The following TACC3 variants were observed in gnomAD, a reference collection of about 807,000 sequenced individuals.
TACC3 encodes transforming acidic coiled-coil-containing protein 3.
Under a neutral mutation model 86.0 loss-of-function variants are expected in TACC3, and 52 were observed. The ratio of observed to expected loss-of-function variants is 0.60; its 90% CI spans 0.48 to 0.76. The LOEUF (loss-of-function observed/expected upper bound fraction) is 0.76. Among genes scored for constraint, TACC3 ranks in the 30% least tolerant of loss-of-function variants. TACC3 has a pLI of 0.00. For missense variants in TACC3, 1,120 were observed against 1,070.4 expected (o/e 1.05, Z -0.65); for synonymous variants, 512 against 430.0 (o/e 1.19, Z -2.36).
chr4:1,728,653 G>A lies in TACC3; in HGVS notation c.1251G>A (p.Pro417=), dbSNP rs189023732. 46 of 1,613,860 alleles carry A rather than the reference G, an allele frequency of 2.9e-5. No homozygotes were observed. The highest frequency in any genetic ancestry group is 6.7e-5 in the East Asian group (3 of 44,870). ...AAATGGATGACCCAAACTTCATCCC[G>A]TTCGGAGGTGACACCAAGTCTGGTT... ...WDKMDDPNFI[P]FGGDTKSGCS... Residue 417 remains proline (P), a synonymous_variant, in exon 4 of 16, where the codon CCG becomes CCA. Coordinates refer to ENST00000313288, the MANE Select transcript of TACC3 (RefSeq NM_006342.3).
At chr4:1,720,636 G>A (rs746045592), upstream of TACC3, 58 of 1,539,306 alleles carry the variant, frequency 3.8e-5, no homozygotes, top group Non-Finnish European at 4.9e-5. This position sits in a 1 kb window ranked among gnomAD's most constrained non-coding sequence, Gnocchi z 4.4. Context: ...GCCTCACCGA[G>A]CGGCAGCAGC....
upstream of TACC3, chr4:1,720,765 CGTT>C: frequency 1.1e-5 from 17 of 1,590,768 alleles, no homozygotes; most frequent in South Asian, 2.3e-5. This position sits in a 1 kb window ranked among gnomAD's most constrained non-coding sequence, Gnocchi z 4.4. Context: ...GCGTGGAACT[CGTT>C]GGGCGTGAAC....
At chr4:1,731,986 A>G (rs55692711) in intron 6 of TACC3, among the ~76,000 whole-genome samples, 3,967 of 152,374 alleles carry the variant, frequency 0.026, 63 homozygotes, top group Non-Finnish European at 0.042. Context: ...ACCAGACTGC[A>G]GTTAAATACG....
intron 4 of TACC3, among the ~76,000 whole-genome samples, chr4:1,729,431 C>T (rs1015807005): frequency 2.6e-5 from 4 of 152,094 alleles, no homozygotes; most frequent in Non-Finnish European, 4.4e-5. Context: ...TGTCTGGCTG[C>T]GCTGTTACTT....
chr4:1,723,739 G>T lies in TACC3; in HGVS notation c.174G>T (p.Gln58His). 1.2e-6 allele frequency: 2 copies of T among 1,613,764 alleles called. 1 individual carries two copies. Among genetic ancestry groups the T allele is most frequent in the South Asian group, 2.2e-5 (2 of 91,090 alleles). ...TCACTCCGCAACAGGTGACTTTTCA[G>T]ACACCTCTGCGGGATCCACAGACGC... ...NLAKAMKVTF[Q>H]TPLRDPQTHR... The change falls in exon 3 of 16, where the codon CAG becomes CAT. Residue 58 changes from glutamine to histidine, a missense_variant. Gln to His is a conservative substitution (Grantham distance 24). Coordinates refer to ENST00000313288, the MANE Select transcript of TACC3 (RefSeq NM_006342.3).
chr4:1,740,020 C>A lies in TACC3; in HGVS notation c.2062+18C>A. 1 of 1,612,674 alleles carries A rather than the reference C, an allele frequency of 6.2e-7. No individual in the cohort carries two copies. The highest frequency in any genetic ancestry group is 8.5e-7 in the Non-Finnish European group (1 of 1,179,820). ...GGCCATGGGTGAGTGCCCGGGCCAC[C>A]GAGGCCACGTGCCTCCACGAGGGGC... On this transcript the variant is annotated intron_variant, in intron 12 of 15. Coordinates refer to ENST00000313288, the MANE Select transcript of TACC3 (RefSeq NM_006342.3).
chr4:1,743,016 C>G (rs1718668323), intron 13 of TACC3, among the ~76,000 whole-genome samples: 2 of 152,128 alleles, frequency 1.3e-5, no homozygotes, highest in South Asian at 4.1e-4. Flanking sequence ...GTAATCCCAG[C>G]ACTTTGGGAG....
At position 1,744,591 on chromosome 4, in the gene TACC3, C is replaced by T. The variant is rs781196053; in HGVS notation, c.2297C>T (p.Ala766Val). The T allele has an allele frequency of 6.2e-7, 1 of 1,613,132 alleles. No individual in the cohort carries two copies. The highest frequency in any genetic ancestry group is 1.1e-5 in the South Asian group (1 of 91,088). The change falls in exon 14 of 16, where the codon GCC becomes GTC. Residue 766 changes from alanine to valine, a missense_variant. Transcript: ENST00000313288. The part of the protein sequence containing the change: ...RITQEGQRYQ[A>V]LKAHAEEKLQ... Reference sequence around the variant, plus strand: ...ACCCAGGAGGGCCAGAGGTACCAAGCCCTGAAGGCCCACGCGGAGGAGAAG... The same window carrying T: ...ACCCAGGAGGGCCAGAGGTACCAAGTCCTGAAGGCCCACGCGGAGGAGAAG...
rs573753172 is a variant in TACC3 at position 1,735,135 on chromosome 4, G to A, written c.1592-138G>A. The stretch of plus-strand genomic sequence containing the variant: ...CTGCCGCAGACAGCAGTCAGGCCCC[G>A]AACATCCACACCTCCAAGGGAGGAA... On this transcript the variant is annotated intron_variant, in intron 6 of 15. Coordinates refer to ENST00000313288, the MANE Select transcript of TACC3 (RefSeq NM_006342.3). This position sits in a 1 kb window ranked among gnomAD's most constrained non-coding sequence, Gnocchi z 4.2. The A allele has an allele frequency of 2.4e-4, 291 of 1,236,778 alleles. No homozygotes were observed. The highest frequency in any genetic ancestry group is 1.3e-3 in the Admixed American group (62 of 49,318). 76.6% of individuals were successfully genotyped at this position (1,236,778 alleles called of 1,614,324 possible).
intron 9 of TACC3, 107 bp from the exon 10 acceptor site, chr4:1,737,491 G>C: frequency 8.9e-7 from 1 of 1,125,616 alleles, no homozygotes. Context: ...GGTCCCTCAT[G>C]CACTGTCTGA....
chr4:1,730,273 G>A (rs574762779), intron 4 of TACC3: 27 of 186,602 alleles, frequency 1.4e-4, no homozygotes, highest in Admixed American at 7.6e-4. Context: ...ATATGACCTC[G>A]TGATCCGACC....
intron 6 of TACC3, among the ~76,000 whole-genome samples, chr4:1,733,258 TTA>T (rs1357094954): frequency 5.3e-5 from 8 of 152,208 alleles, no homozygotes; most frequent in African/African-American, 1.9e-4. Context: ...ATTGAGCCAC[TTA>T]TGTTTTTATT....
chr4:1,728,546 G>A lies in TACC3; in HGVS notation c.1144G>A (p.Glu382Lys), dbSNP rs368413966. Reference sequence around the variant, plus strand: ...GCAGCAAAAGGCCCCGCAGGAGGTGGAGGAGGACGACGGTAGGAGCGGAGC... The same window carrying A: ...GCAGCAAAAGGCCCCGCAGGAGGTGAAGGAGGACGACGGTAGGAGCGGAGC... ...VRQQKAPQEV[E>K]EDDGRSGAGE... is the part of the protein sequence containing the mutation. The change falls in exon 4 of 16, where the codon GAG becomes AAG. Residue 382 changes from glutamate to lysine, a missense_variant. By Grantham distance (56) the Glu-to-Lys change is moderately conservative. Transcript: ENST00000313288. 2 of 1,613,988 alleles carry A rather than the reference G, an allele frequency of 1.2e-6. No individual in the cohort carries two copies. Among genetic ancestry groups the A allele is most frequent in the Non-Finnish European group, 1.7e-6 (2 of 1,179,958 alleles).
Position 1,744,304 on chromosome 4 carries a change from A to G in TACC3, c.2224-214A>G, listed in dbSNP as rs1454442205. ...TGAGGGCACCAGGTTCAGGCCCGGC[A>G]TCTCAGGGTGGAGAGCCAGGGCTGT... On this transcript the variant is annotated intron_variant, in intron 13 of 15. Coordinates refer to ENST00000313288, the MANE Select transcript of TACC3 (RefSeq NM_006342.3). The G allele has an allele frequency of 5.4e-6, 3 of 557,738 alleles. No individual in the cohort carries two copies. The East Asian group carries it at 8.8e-5, about 16-fold the overall frequency. 34.5% of individuals were successfully genotyped at this position (557,738 alleles called of 1,614,324 possible). A position where few individuals can be genotyped will look rare whatever the true frequency, so the allele number is the denominator to read the frequency against.
intron 10 of TACC3, chr4:1,738,275 G>T (rs754815995): frequency 4.6e-5 from 11 of 239,860 alleles, no homozygotes; most frequent in Non-Finnish European, 9.3e-5. Flanking sequence ...GGGAGGTGCA[G>T]ACAGGGTGGT....
chr4:1,730,711 A>T, intron 4 of TACC3, 176 bp from the exon 5 acceptor site: 1 of 770,476 alleles, frequency 1.3e-6, no homozygotes, highest in Non-Finnish European at 2.3e-6. Flanking sequence ...GAGGTTGGTG[A>T]GGCAGTTTTG....
intron 3 of TACC3, among the ~76,000 whole-genome samples, chr4:1,726,773 A>G (rs989238878): frequency 6.6e-6 from 1 of 152,260 alleles, no homozygotes; most frequent in Admixed American, 6.5e-5. Context: ...AGCCTTGTCT[A>G]TCGGGGAGTA....
chr4:1,723,902 C>T (rs1717550762), intron 3 of TACC3, 32 bp downstream of exon 3: 1 of 1,609,062 alleles, frequency 6.2e-7, no homozygotes, highest in Non-Finnish European at 8.5e-7. Flanking sequence ...CATGCTGGAG[C>T]TTCACCCTCT....
At chr4:1,738,084 A>G in intron 10 of TACC3, 1 of 358,750 alleles carries the variant, frequency 2.8e-6, no homozygotes, top group Non-Finnish European at 5.5e-6. Context: ...AGGAAGCTCC[A>G]TCTTCACCCA....
Sources: gnomAD v4.1 joint callset for allele counts (sites outside exome capture counted in the v4.1 genomes callset) on GRCh38, gnomAD v4.1.1 for gene constraint, Gnocchi (gnomAD v3.1) non-coding constraint, MANE v1.5 for transcripts, NCBI Gene and HGNC (gene_info 2026-07-23, HGNC 2026-07-21) for gene names.